The following ENTHD1 variants were observed in gnomAD, a reference collection of about 807,000 sequenced individuals.
The protein encoded by ENTHD1 is ENTH domain containing 1.
In ENTHD1, 23 loss-of-function variants were observed where a neutral mutation model predicts 39.1. The ratio of observed to expected loss-of-function variants is 0.59; its 90% CI spans 0.42 to 0.83. ENTHD1 has a LOEUF of 0.83. Ranked by LOEUF, ENTHD1 falls within the 40% of genes least tolerant of loss-of-function variation. The pLI is 0.00. For synonymous variants in ENTHD1, 230 were observed against 258.2 expected, an observed-to-expected ratio of 0.89 and a Z score of 1.05; for missense variants, 624 against 705.4, an observed-to-expected ratio of 0.88 and a Z score of 1.31.
chr22:39,751,606 T>C (rs943573581), intron 6 of ENTHD1, among the ~76,000 whole-genome samples: 1 of 152,240 alleles, frequency 6.6e-6, no homozygotes, highest in African/African-American at 2.4e-5. Context: ...AGTCATAGGC[T>C]TAAAAGCCTT....
Position 39,834,936 on chromosome 22 carries a change from T to C in ENTHD1, c.711+904A>G, listed in dbSNP as rs1259421416. Among the ~76,000 whole-genome samples the C allele has an allele frequency of 2.0e-5, 3 of 152,106 alleles. No individual in the cohort carries two copies. In the East Asian group the frequency reaches 5.8e-4, roughly 29 times the overall value. The stretch of plus-strand genomic sequence containing the variant: ...ATAGACATGACAAACACTGCAGAGA[T>C]GGAGAAAATATTATTGCCAGAGGAT... On this transcript the variant is annotated intron_variant, in intron 4 of 6. Transcript: ENST00000325157.
chr22:39,811,904 G>A lies in ENTHD1; in HGVS notation c.832+9089C>T, dbSNP rs527282053. Among the ~76,000 whole-genome samples the A allele has an allele frequency of 5.1e-4, 77 of 152,132 alleles. No individual in the cohort carries two copies. The South Asian group carries it at 6.2e-3, about 12-fold the overall frequency. Reference sequence around the variant, plus strand: ...TGAGGCAGGAGGATGCTGTGAACCCGGGAGGCGCAGCTTGCAGTGAGCCGA... The same window carrying A: ...TGAGGCAGGAGGATGCTGTGAACCCAGGAGGCGCAGCTTGCAGTGAGCCGA... On this transcript the variant is annotated intron_variant, in intron 5 of 6. Coordinates refer to ENST00000325157, the MANE Select transcript of ENTHD1 (RefSeq NM_152512.4).
chr22:39,862,100 T>A lies in ENTHD1; in HGVS notation c.350-93A>T, dbSNP rs190502449. On this transcript the variant is annotated intron_variant, in intron 2 of 6. Coordinates refer to ENST00000325157, the MANE Select transcript of ENTHD1 (RefSeq NM_152512.4). ...ACAGAAATTTTTTTAAAAATAAAAATCTCAGCAGTGAAAAAACCTGCAGCA... is the reference window on the plus strand; with the variant it reads ...ACAGAAATTTTTTTAAAAATAAAAAACTCAGCAGTGAAAAAACCTGCAGCA... The A allele has an allele frequency of 1.3e-3, 1,356 of 1,058,414 alleles. 13 individuals carry two copies. In the African/African-American group the frequency reaches 0.019, roughly 15 times the overall value. 65.6% of individuals were successfully genotyped at this position (1,058,414 alleles called of 1,614,324 possible).
At chr22:39,819,435 G>A (rs1401311821) in intron 5 of ENTHD1, among the ~76,000 whole-genome samples, 5 of 151,384 alleles carry the variant, frequency 3.3e-5, no homozygotes, top group South Asian at 2.1e-4. Context: ...CTATCAAGCC[G>A]TGAAAAGATA....
chr22:39,863,654 A>G (rs545804292), intron 2 of ENTHD1, among the ~76,000 whole-genome samples: 58 of 152,338 alleles, frequency 3.8e-4, no homozygotes, highest in Non-Finnish European at 7.5e-4. Flanking sequence ...ACTCACAAAC[A>G]TGGCTTCCCA....
At chr22:39,841,633 T>C (rs2065944934) in intron 3 of ENTHD1, among the ~76,000 whole-genome samples, 1 of 151,508 alleles carries the variant, frequency 6.6e-6, no homozygotes, top group South Asian at 2.1e-4. Context: ...TGTGTGTCTC[T>C]GCACGTGAGA....
intron 5 of ENTHD1, among the ~76,000 whole-genome samples, chr22:39,817,410 C>T (rs1057016804): frequency 6.6e-6 from 1 of 152,192 alleles, no homozygotes; most frequent in Non-Finnish European, 1.5e-5. Context: ...AATCTCTACA[C>T]ATTGACATAC....
intron 3 of ENTHD1, among the ~76,000 whole-genome samples, chr22:39,843,811 C>A (rs941105935): frequency 1.3e-5 from 2 of 152,080 alleles, no homozygotes; most frequent in African/African-American, 2.4e-5. Flanking sequence ...TGACCTTGAA[C>A]GAAGAGGCTG....
At position 39,765,553 on chromosome 22, in the gene ENTHD1, C is replaced by A. The variant is rs140781685; in HGVS notation, c.889G>T (p.Asp297Tyr). 1.9e-6 allele frequency: 3 copies of A among 1,613,502 alleles called. No individual in the cohort carries two copies. The highest frequency in any genetic ancestry group is 2.7e-5 in the African/African-American group (2 of 74,836). Residue 297 changes from aspartate (D) to tyrosine (Y), a missense_variant, in exon 6 of 7, where the codon GAC becomes TAC. Coordinates refer to ENST00000325157, the MANE Select transcript of ENTHD1 (RefSeq NM_152512.4). The part of the protein sequence containing the change: ...SPSGQRDVSL[D>Y]KRSDGIFTNT... ...GTAAAGATACCATCTGATCTCTTGT[C>A]CAAACTCACATCTCTCTGCCCAGAA...
intron 4 of ENTHD1, among the ~76,000 whole-genome samples, chr22:39,828,538 A>G (rs866447343): frequency 1.3e-5 from 2 of 152,236 alleles, no homozygotes; most frequent in South Asian, 4.1e-4. Flanking sequence ...TAACAAATGA[A>G]GGCAGTAGGA....
At chr22:39,893,278 A>G (rs2066442948) in intron 1 of ENTHD1, 1 of 152,250 alleles carries the variant, frequency 6.6e-6, no homozygotes, top group African/African-American at 2.4e-5. Context: ...TGCTTTGGAA[A>G]GAATTTTGAA....
intron 5 of ENTHD1, among the ~76,000 whole-genome samples, chr22:39,770,364 C>T (rs946427195): frequency 3.3e-5 from 5 of 152,258 alleles, no homozygotes; most frequent in Admixed American, 3.3e-4. Flanking sequence ...CTTCTCCACT[C>T]CATCGGTGGA....
At chr22:39,801,820 T>C (rs1041424009) in intron 5 of ENTHD1, among the ~76,000 whole-genome samples, 2 of 152,108 alleles carry the variant, frequency 1.3e-5, no homozygotes, top group African/African-American at 4.8e-5. Flanking sequence ...TTTTTTTTAA[T>C]AGTAATGAAA....
chr22:39,802,475 G>A (rs1422636937), intron 5 of ENTHD1, among the ~76,000 whole-genome samples: 1 of 152,180 alleles, frequency 6.6e-6, no homozygotes, highest in East Asian at 1.9e-4. Context: ...CCAGTACAGG[G>A]CAGGACCCCT....
At chr22:39,817,112 G>C (rs954992779) in intron 5 of ENTHD1, among the ~76,000 whole-genome samples, 6 of 152,148 alleles carry the variant, frequency 3.9e-5, no homozygotes, top group African/African-American at 1.4e-4. Flanking sequence ...CATAAGGCTT[G>C]AAAACATCAA....
chr22:39,784,585 A>G (rs1292083893), intron 5 of ENTHD1, among the ~76,000 whole-genome samples: 1 of 128,682 alleles, frequency 7.8e-6, no homozygotes, highest in East Asian at 2.2e-4. Flanking sequence ...CACACACACT[A>G]GAATATTCAG....
At chr22:39,856,331 C>T (rs900638778) in intron 3 of ENTHD1, among the ~76,000 whole-genome samples, 8 of 151,396 alleles carry the variant, frequency 5.3e-5, no homozygotes, top group Non-Finnish European at 1.0e-4. Flanking sequence ...TTTCCCACCC[C>T]AACTCCAAAC....
At chr22:39,828,121 G>A (rs764998378) in intron 4 of ENTHD1, among the ~76,000 whole-genome samples, 25 of 152,138 alleles carry the variant, frequency 1.6e-4, no homozygotes, top group Non-Finnish European at 1.6e-4. Flanking sequence ...AATACATATT[G>A]AATGAGACCA....
chr22:39,767,281 A>T (rs1298894355), intron 5 of ENTHD1, among the ~76,000 whole-genome samples: 1 of 152,208 alleles, frequency 6.6e-6, no homozygotes. Context: ...CTCTCCTAAA[A>T]TATTCCTAAT....
Sources: gnomAD v4.1 joint callset for allele counts (sites outside exome capture counted in the v4.1 genomes callset) on GRCh38, gnomAD v4.1.1 for gene constraint, MANE v1.5 for transcripts, NCBI Gene and HGNC (gene_info 2026-07-23, HGNC 2026-07-21) for gene names.